Variants in NEMP2 observed in about 807,000 individuals in gnomAD.
NEMP2 encodes UPF0571 transmembrane protein.
A neutral mutation model predicts 54.2 loss-of-function variants in NEMP2; 53 were observed. That is an observed-to-expected ratio of 0.98 (90% CI 0.78 to 1.23). The LOEUF is 1.23. NEMP2 is among the 50% of genes most tolerant of loss of function. The pLI is 0.00. For missense variants in NEMP2, 455 were observed against 511.3 expected (o/e 0.89, Z 1.06); for synonymous variants, 197 against 190.3 (o/e 1.04, Z -0.29).
the NEMP2 span, among the ~76,000 whole-genome samples, chr2:190,605,395 G>C: frequency 6.6e-6 from 1 of 150,750 alleles, no homozygotes; most frequent in Non-Finnish European, 1.5e-5. Context: ...TTTTGAGATG[G>C]AGTCTCGCTC....
chr2:190,534,569 T>TGCC lies in NEMP2; in HGVS notation c.84_86dup (p.Ala30dup), dbSNP rs1308926656. On this transcript the variant is annotated inframe_insertion, in exon 1 of 9. Coordinates refer to ENST00000409150, the MANE Select transcript of NEMP2 (RefSeq NM_001142645.2). ...CCGGTCCCGGGTTACCTGATAACGC[T>TGCC]GCCGCCGCCGCCTCCCCGCGCACGG... is the stretch of plus-strand genomic sequence containing the variant. The TGCC allele has an allele frequency of 1.6e-5, 22 of 1,401,216 alleles. No individual in the cohort carries two copies. Among genetic ancestry groups the TGCC allele is most frequent in the South Asian group, 4.6e-5 (3 of 65,450 alleles). 86.8% of individuals were successfully genotyped at this position (1,401,216 alleles called of 1,614,324 possible). A position where few individuals can be genotyped will look rare whatever the true frequency, so the allele number is the denominator to read the frequency against.
At chr2:190,601,655 C>T in the NEMP2 span, among the ~76,000 whole-genome samples, 12 of 152,258 alleles carry the variant, frequency 7.9e-5, no homozygotes, top group East Asian at 1.9e-3. The surrounding 1 kb of genome is among the most constrained non-coding windows in gnomAD (Gnocchi z 5.8). Flanking sequence ...TGATACTTAA[C>T]GCAAATGATA....
chr2:190,536,995 G>C (rs1162756644), upstream of NEMP2, among the ~76,000 whole-genome samples: 1 of 152,024 alleles, frequency 6.6e-6, no homozygotes, highest in Non-Finnish European at 1.5e-5. Context: ...AAAATTAAAA[G>C]ACACCCAAAA....
At chr2:190,434,055 C>T in the NEMP2 span, among the ~76,000 whole-genome samples, 3 of 151,882 alleles carry the variant, frequency 2.0e-5, no homozygotes, top group East Asian at 3.9e-4. The surrounding 1 kb of genome is among the most constrained non-coding windows in gnomAD (Gnocchi z 4.3). Context: ...TGGTGGCACA[C>T]GTCTGTAGTC....
rs1200118802 is a variant in NEMP2 at position 190,528,447 on chromosome 2, A to G, written c.98-3069T>C. Among the ~76,000 whole-genome samples, 1 of 152,152 alleles carries G rather than the reference A, an allele frequency of 6.6e-6. No homozygotes were observed. The highest frequency in any genetic ancestry group is 1.5e-5 in the Non-Finnish European group (1 of 68,022). On this transcript the variant is annotated intron_variant, in intron 1 of 8. Coordinates refer to ENST00000409150, the MANE Select transcript of NEMP2 (RefSeq NM_001142645.2). This position sits in a 1 kb window ranked among gnomAD's most constrained non-coding sequence, Gnocchi z 4.3. ...AACTTTATACTGGGAGTCCTCAAACAAAAGTGATTCCTACCTATCGTTGGA... is the reference window on the plus strand; with the variant it reads ...AACTTTATACTGGGAGTCCTCAAACGAAAGTGATTCCTACCTATCGTTGGA...
the NEMP2 span, among the ~76,000 whole-genome samples, chr2:190,453,413 G>A: frequency 3.9e-5 from 6 of 152,286 alleles, no homozygotes; most frequent in Non-Finnish European, 7.4e-5. Context: ...AGTTGGAGAT[G>A]TCTTTCAGAA....
the NEMP2 span, among the ~76,000 whole-genome samples, chr2:190,429,040 A>C: frequency 6.6e-6 from 1 of 151,994 alleles, no homozygotes. Context: ...TAATGCTTTC[A>C]CTGGCGATTA....
At chr2:190,459,886 T>G in the NEMP2 span, among the ~76,000 whole-genome samples, 7 of 152,252 alleles carry the variant, frequency 4.6e-5, no homozygotes, top group Non-Finnish European at 8.8e-5. This position sits in a 1 kb window ranked among gnomAD's most constrained non-coding sequence, Gnocchi z 5.3. Context: ...TATACACAGC[T>G]AAATATTATT....
chr2:190,625,755 T>C, the NEMP2 span: 1 of 152,226 alleles, frequency 6.6e-6, no homozygotes, highest in Non-Finnish European at 1.5e-5. Flanking sequence ...TTTTTAAAAT[T>C]TGAGGCTTCA....
Position 190,528,211 on chromosome 2 carries a change from G to T in NEMP2, c.98-2833C>A, listed in dbSNP as rs1046150072. On this transcript the variant is annotated intron_variant, in intron 1 of 8. Transcript: ENST00000409150. The surrounding 1 kb of genome is among the most constrained non-coding windows in gnomAD (Gnocchi z 4.3). Reference sequence around the variant, plus strand: ...CAGTCCCAGGGATATCAAAGGGCTGGCAGCTACCTATAGAAAAGAAGAATG... The same window carrying T: ...CAGTCCCAGGGATATCAAAGGGCTGTCAGCTACCTATAGAAAAGAAGAATG... Among the ~76,000 whole-genome samples, 3 of 152,194 alleles carry T rather than the reference G, an allele frequency of 2.0e-5. No homozygotes were observed. Among genetic ancestry groups the T allele is most frequent in the Admixed American group, 2.0e-4 (3 of 15,282 alleles).
the NEMP2 span, chr2:190,437,276 C>G: frequency 1.9e-6 from 3 of 1,614,200 alleles, no homozygotes; most frequent in East Asian, 6.7e-5. The surrounding 1 kb of genome is among the most constrained non-coding windows in gnomAD (Gnocchi z 5.9). Context: ...AGGAACAACT[C>G]TACAGAGTCC....
chr2:190,582,310 A>G, the NEMP2 span, among the ~76,000 whole-genome samples: 70 of 152,288 alleles, frequency 4.6e-4, 1 homozygote, highest in African/African-American at 1.7e-3. The surrounding 1 kb of genome is among the most constrained non-coding windows in gnomAD (Gnocchi z 4.6). Context: ...CACAAATAAC[A>G]TAATTCATTT....
At chr2:190,450,444 A>G in the NEMP2 span, among the ~76,000 whole-genome samples, 4 of 150,444 alleles carry the variant, frequency 2.7e-5, no homozygotes, top group Non-Finnish European at 5.9e-5. Flanking sequence ...ATAGTAGTCT[A>G]TAGACAAACA....
In NEMP2 at chr2:190,518,747, C is replaced by G. The variant is rs200187690; in HGVS notation, c.507G>C (p.Arg169Ser). 466 of 1,542,826 alleles carry G rather than the reference C, an allele frequency of 3.0e-4. 2 individuals are homozygous for G. Among genetic ancestry groups the G allele is most frequent in the Non-Finnish European group, 6.6e-5 (75 of 1,144,762 alleles). ...AAAGGAATACTTACTGACTCAGGGTCCTTGCATAAAAGAAAAGAAAAACTC... is the reference window on the plus strand; with the variant it reads ...AAAGGAATACTTACTGACTCAGGGTGCTTGCATAAAAGAAAAGAAAAACTC... ...VAGVFLFFYA[R>S]TLSQSPTFYY... The change falls in exon 4 of 9, where the codon AGG (arginine) becomes AGC (serine). Residue 169 changes from arginine to serine, a missense_variant. This residue lies in a region of NEMP2 where 294 missense variants were observed against 333.6 expected (regional missense o/e 0.88). Transcript: ENST00000409150.
At chr2:190,480,778 T>C in the NEMP2 span, among the ~76,000 whole-genome samples, 1 of 152,210 alleles carries the variant, frequency 6.6e-6, no homozygotes, top group Non-Finnish European at 1.5e-5. Flanking sequence ...GACATGAGTA[T>C]TAAATACACT....
chr2:190,577,360 T>A, the NEMP2 span, among the ~76,000 whole-genome samples: 3 of 152,228 alleles, frequency 2.0e-5, no homozygotes, highest in Non-Finnish European at 4.4e-5. The surrounding 1 kb of genome is among the most constrained non-coding windows in gnomAD (Gnocchi z 4.8). Context: ...AAACAGTATC[T>A]ATTTCGCTTA....
At chr2:190,596,144 C>T in the NEMP2 span, among the ~76,000 whole-genome samples, 1 of 152,120 alleles carries the variant, frequency 6.6e-6, no homozygotes, top group East Asian at 1.9e-4. The surrounding 1 kb of genome is among the most constrained non-coding windows in gnomAD (Gnocchi z 5.1). Context: ...CAAACTGACA[C>T]AGGACAAGAA....
the NEMP2 span, among the ~76,000 whole-genome samples, chr2:190,546,448 T>C: frequency 2.6e-5 from 4 of 152,168 alleles, no homozygotes; most frequent in Non-Finnish European, 5.9e-5. The surrounding 1 kb of genome is among the most constrained non-coding windows in gnomAD (Gnocchi z 5.1). Context: ...TGTCTCTGGA[T>C]TTTTGTATCA....
At chr2:190,640,353 C>A in the NEMP2 span, among the ~76,000 whole-genome samples, 776 of 151,744 alleles carry the variant, frequency 5.1e-3, 7 homozygotes, top group African/African-American at 0.018. Flanking sequence ...ATTTTTTTTA[C>A]CAGCAATGAT....
Sources: allele counts gnomAD v4.1 joint callset (sites outside exome capture counted in the v4.1 genomes callset), GRCh38; gene constraint gnomAD v4.1.1; regional missense constraint gnomAD v4.1.1; non-coding constraint Gnocchi (gnomAD v3.1); transcripts MANE v1.5; gene names NCBI Gene and HGNC (gene_info 2026-07-23, HGNC 2026-07-21).